Variants in PDSS2 observed in about 807,000 individuals in gnomAD.
PDSS2 encodes all trans-polyprenyl-diphosphate synthase PDSS2.
PDSS2 carries 31 observed loss-of-function variants against 44.5 expected under a neutral mutation model. The observed-to-expected ratio is 0.70, with a 90% CI of 0.52 to 0.94. PDSS2 has a LOEUF of 0.94. PDSS2 is among the 40% of genes least tolerant of loss of function. The pLI, the probability that PDSS2 is intolerant of heterozygous loss-of-function variation, is 0.00. For synonymous variants in PDSS2, 157 were observed against 180.3 expected (o/e 0.87, Z 1.03); for missense variants, 452 against 482.2 (o/e 0.94, Z 0.59).
chr6:107,187,319 A>C (rs1389847176), intron 7 of PDSS2, among the ~76,000 whole-genome samples: 2 of 152,166 alleles, frequency 1.3e-5, no homozygotes, highest in Non-Finnish European at 2.9e-5. Flanking sequence ...ATTACTGGGC[A>C]CTTGAAAAGA....
intron 3 of PDSS2, among the ~76,000 whole-genome samples, chr6:107,253,779 A>G (rs985925218): frequency 6.6e-6 from 1 of 152,204 alleles, no homozygotes; most frequent in Non-Finnish European, 1.5e-5. Flanking sequence ...AAGCAATGCC[A>G]AATAGTCATT....
chr6:107,380,236 T>C (rs1779415384), intron 1 of PDSS2, among the ~76,000 whole-genome samples: 1 of 152,164 alleles, frequency 6.6e-6, no homozygotes, highest in Admixed American at 6.5e-5. Flanking sequence ...TGTCATCTAC[T>C]CTTAATTTAC....
intron 3 of PDSS2, among the ~76,000 whole-genome samples, chr6:107,272,489 A>G (rs577828489): frequency 1.1e-4 from 17 of 152,302 alleles, no homozygotes; most frequent in Admixed American, 2.6e-4. Flanking sequence ...AGTAAGACAG[A>G]AGGAGCCTGG....
At chr6:107,264,388 A>T (rs1775345014) in intron 3 of PDSS2, 1 of 1,545,878 alleles carries the variant, frequency 6.5e-7, no homozygotes, top group East Asian at 2.4e-5. Flanking sequence ...ATAAATCACT[A>T]ATGCTTAATA....
At chr6:107,404,942 C>A (rs1013068777) in intron 1 of PDSS2, among the ~76,000 whole-genome samples, 6 of 152,096 alleles carry the variant, frequency 3.9e-5, no homozygotes, top group African/African-American at 7.2e-5. Flanking sequence ...AAATTCCAAG[C>A]AAATACATTG....
intron 3 of PDSS2, among the ~76,000 whole-genome samples, chr6:107,269,386 C>T (rs1775522978): frequency 8.6e-6 from 1 of 116,406 alleles, no homozygotes; most frequent in South Asian, 3.4e-4. Context: ...GCAATTTATT[C>T]AAAGTAGGAG....
chr6:107,293,224 T>C (rs1259591964), intron 2 of PDSS2, among the ~76,000 whole-genome samples: 5 of 152,162 alleles, frequency 3.3e-5, no homozygotes, highest in African/African-American at 1.2e-4. Flanking sequence ...TGACGGCTCA[T>C]TTCCCCTGGC....
At chr6:107,401,212 C>T (rs972563122) in intron 1 of PDSS2, among the ~76,000 whole-genome samples, 1 of 152,154 alleles carries the variant, frequency 6.6e-6, no homozygotes, top group African/African-American at 2.4e-5. Context: ...ATTACCATTA[C>T]CCACACAAGC....
chr6:107,342,282 C>G (rs950413596), intron 1 of PDSS2, among the ~76,000 whole-genome samples: 2 of 152,112 alleles, frequency 1.3e-5, no homozygotes, highest in Non-Finnish European at 2.9e-5. Flanking sequence ...AACAGACCTA[C>G]TACTATTCTC....
At position 107,459,547 on chromosome 6, in the gene PDSS2, A is replaced by ACGCCATATTGGAGGC. The variant is rs1374348144; in HGVS notation, c.-277_-263dup. 1 of 526,754 alleles carries ACGCCATATTGGAGGC rather than the reference A, an allele frequency of 1.9e-6. No homozygotes were observed. The highest frequency in any genetic ancestry group is 3.4e-5 in the East Asian group (1 of 29,764). The allele number at this position is 526,754 out of a possible 1,614,324, so 32.6% of individuals were successfully genotyped here. A position where few individuals can be genotyped will look rare whatever the true frequency, so the allele number is the denominator to read the frequency against. The stretch of plus-strand genomic sequence containing the variant: ...ACCACAGCCACTGCCTATGTGGAGG[A>ACGCCATATTGGAGGC]CGCCATATTGGAGGCATGGAATGCG... On this transcript the variant is annotated 5_prime_UTR_variant, in exon 1 of 8. It adds an upstream start codon to the 5' untranslated region. Coordinates refer to ENST00000369037, the MANE Select transcript of PDSS2 (RefSeq NM_020381.4). The surrounding 1 kb of genome is among the most constrained non-coding windows in gnomAD (Gnocchi z 4.3).
chr6:107,424,036 CTTTTTT>C (rs56318621), intron 1 of PDSS2, among the ~76,000 whole-genome samples: 8 of 90,598 alleles, frequency 8.8e-5, no homozygotes, highest in Admixed American at 2.7e-4. Flanking sequence ...TATCTTGCAT[CTTTTTT>C]TTTTTTTTTT....
chr6:107,457,384 A>T (rs1288758926), intron 1 of PDSS2, among the ~76,000 whole-genome samples: 1 of 152,254 alleles, frequency 6.6e-6, no homozygotes, highest in Non-Finnish European at 1.5e-5. Context: ...TGTAAATCTA[A>T]AACTACTTCA....
In PDSS2 at chr6:107,153,492, C is replaced by T. The variant is rs1187884664; in HGVS notation, c.*1127G>A. The T allele has an allele frequency of 6.6e-6, 1 of 152,042 alleles. No homozygotes were observed. Among genetic ancestry groups the T allele is most frequent in the African/African-American group, 2.4e-5 (1 of 41,226 alleles). 9.4% of individuals were successfully genotyped at this position (152,042 alleles called of 1,614,324 possible). A position where few individuals can be genotyped will look rare whatever the true frequency, so the allele number is the denominator to read the frequency against. Reference sequence around the variant, plus strand: ...GTACAAAAATTCTGTTTCTGAAACTCGTAAAAATTAAAGTATGCCTTAAAC... The same window carrying T: ...GTACAAAAATTCTGTTTCTGAAACTTGTAAAAATTAAAGTATGCCTTAAAC... On this transcript the variant is annotated 3_prime_UTR_variant, in exon 8 of 8. Coordinates refer to ENST00000369037, the MANE Select transcript of PDSS2 (RefSeq NM_020381.4).
chr6:107,227,294 T>C (rs1456002454), intron 4 of PDSS2, among the ~76,000 whole-genome samples: 2 of 49,368 alleles, frequency 4.1e-5, no homozygotes, highest in African/African-American at 1.6e-4. Context: ...TTTTTTTTTT[T>C]TTTTTTTTTT....
rs111599555 is a variant in PDSS2, at chr6:107,319,005, T to C, written c.431+15193A>G. On this transcript the variant is annotated intron_variant, in intron 2 of 7. Coordinates refer to ENST00000369037, the MANE Select transcript of PDSS2 (RefSeq NM_020381.4). ...TATGTTAAAAAAGAAAATATATATA[T>C]ATACACACACACACACACACATACA... is the stretch of plus-strand genomic sequence containing the variant. Among the ~76,000 whole-genome samples, 15 of 106,926 alleles carry C rather than the reference T, an allele frequency of 1.4e-4. No homozygotes were observed. The East Asian group carries it at 3.2e-3, about 23-fold the overall frequency. The allele number at this position is 106,926 out of a possible 152,430, so 70.1% of individuals were successfully genotyped here.
chr6:107,406,772 G>C (rs1026621690), intron 1 of PDSS2, among the ~76,000 whole-genome samples: 13 of 152,332 alleles, frequency 8.5e-5, no homozygotes, highest in Non-Finnish European at 1.9e-4. Flanking sequence ...CCATAAGTGA[G>C]ATAGAACCAG....
intron 1 of PDSS2, among the ~76,000 whole-genome samples, chr6:107,425,861 T>C (rs1780983590): frequency 6.6e-6 from 1 of 151,106 alleles, no homozygotes; most frequent in African/African-American, 2.4e-5. Context: ...CTCGGGAGGC[T>C]GAGGCAGGAG....
At chr6:107,458,293 G>C (rs1782113003) in intron 1 of PDSS2, among the ~76,000 whole-genome samples, 1 of 151,400 alleles carries the variant, frequency 6.6e-6, no homozygotes, top group African/African-American at 2.4e-5. Flanking sequence ...AGACGATCCT[G>C]GCTAACACGG....
At chr6:107,157,754 T>A (rs941264651) in intron 7 of PDSS2, among the ~76,000 whole-genome samples, 3 of 151,926 alleles carry the variant, frequency 2.0e-5, no homozygotes, top group Non-Finnish European at 2.9e-5. Flanking sequence ...CACTGCAACC[T>A]CTGCCTCCCA....
Sources: gnomAD v4.1 joint callset for allele counts (sites outside exome capture counted in the v4.1 genomes callset) on GRCh38, gnomAD v4.1.1 for gene constraint, Gnocchi (gnomAD v3.1) non-coding constraint, MANE v1.5 for transcripts, NCBI Gene and HGNC (gene_info 2026-07-23, HGNC 2026-07-21) for gene names.